Variants in DYNC2I2 observed in about 807,000 individuals in gnomAD.
DYNC2I2 encodes the protein cytoplasmic dynein 2 intermediate chain 2.
In DYNC2I2, 39 loss-of-function variants were observed where a neutral mutation model predicts 52.0. The observed-to-expected ratio is 0.75, with a 90% confidence interval of 0.58 to 0.98. The LOEUF (loss-of-function observed/expected upper bound fraction) is 0.98, where lower values mean the gene tolerates loss of function less well. Ranked by LOEUF, DYNC2I2 falls within the 50% of genes least tolerant of loss-of-function variation. The probability of loss-of-function intolerance (pLI) is 0.00; values close to 1 mark genes in which losing one functional copy is unlikely to be tolerated. For synonymous variants in DYNC2I2, 359 were observed against 321.1 expected, an observed-to-expected ratio of 1.12 and a Z score of -1.26; for missense variants, 743 against 728.4, an observed-to-expected ratio of 1.02 and a Z score of -0.23.
chr9:128,645,188 T>TA (rs60929747), intron 1 of DYNC2I2, among the ~76,000 whole-genome samples: 113 of 143,368 alleles, frequency 7.9e-4, no homozygotes, highest in Middle Eastern at 3.5e-3. Context: ...CCATCTCTAC[T>TA]AAAAAAAAAA....
At chr9:128,648,239 T>G (rs1443363630) in intron 1 of DYNC2I2, among the ~76,000 whole-genome samples, 1 of 151,762 alleles carries the variant, frequency 6.6e-6, no homozygotes, top group Non-Finnish European at 1.5e-5. Context: ...AAATCCCATC[T>G]CTACTAAAAA....
At chr9:128,662,863 C>CT in the DYNC2I2 span, among the ~76,000 whole-genome samples, 3 of 151,808 alleles carry the variant, frequency 2.0e-5, no homozygotes, top group East Asian at 5.8e-4. Flanking sequence ...TGCACCCAGC[C>CT]TTTTTTTTCT....
chr9:128,677,471 T>TG, the DYNC2I2 span, among the ~76,000 whole-genome samples: 3 of 149,334 alleles, frequency 2.0e-5, no homozygotes, highest in Admixed American at 6.7e-5. Flanking sequence ...GGTGACAGAG[T>TG]GAGACTCCAT....
the DYNC2I2 span, among the ~76,000 whole-genome samples, chr9:128,677,329 C>A: frequency 6.6e-6 from 1 of 151,816 alleles, no homozygotes; most frequent in African/African-American, 2.4e-5. Flanking sequence ...ACTAAAAATA[C>A]AATAAACTAG....
chr9:128,655,777 G>A (rs1015377610), intron 1 of DYNC2I2, among the ~76,000 whole-genome samples: 12 of 151,498 alleles, frequency 7.9e-5, no homozygotes, highest in Non-Finnish European at 1.5e-4. Flanking sequence ...CAGGCGTGCT[G>A]GCGGCCGCCT....
chr9:128,634,584 C>T, intron 7 of DYNC2I2, 105 bp downstream of exon 7: 1 of 1,338,294 alleles, frequency 7.5e-7, no homozygotes. Context: ...TCAGAGTGGG[C>T]AGAAGGCAAG....
intron 1 of DYNC2I2, among the ~76,000 whole-genome samples, chr9:128,644,346 T>C (rs927702601): frequency 2.7e-5 from 4 of 150,818 alleles, no homozygotes; most frequent in African/African-American, 9.8e-5. Context: ...TCATAGCTCA[T>C]TGCAATCTAG....
chr9:128,643,326 A>G (rs1163489384), intron 1 of DYNC2I2, among the ~76,000 whole-genome samples: 1 of 152,144 alleles, frequency 6.6e-6, no homozygotes, highest in East Asian at 1.9e-4. Context: ...GGACTTCAAG[A>G]CCAGCCTGGC....
chr9:128,681,758 C>A, the DYNC2I2 span, among the ~76,000 whole-genome samples: 1 of 152,218 alleles, frequency 6.6e-6, no homozygotes, highest in Non-Finnish European at 1.5e-5. Context: ...GCCTTTGTGA[C>A]CCCCAGACAA....
At chr9:128,661,901 G>T in the DYNC2I2 span, among the ~76,000 whole-genome samples, 1 of 152,074 alleles carries the variant, frequency 6.6e-6, no homozygotes, top group Non-Finnish European at 1.5e-5. Flanking sequence ...AATTAGCTGG[G>T]CGTGGTGGCA....
chr9:128,668,172 G>T, the DYNC2I2 span, among the ~76,000 whole-genome samples: 3 of 151,730 alleles, frequency 2.0e-5, no homozygotes, highest in African/African-American at 4.8e-5. Context: ...TGTTGGCCAG[G>T]ATGGTCTTGA....
At chr9:128,681,106 T>C in the DYNC2I2 span, among the ~76,000 whole-genome samples, 1 of 152,116 alleles carries the variant, frequency 6.6e-6, no homozygotes, top group Non-Finnish European at 1.5e-5. Flanking sequence ...CTTTTCTTTT[T>C]TAGAGACGGA....
chr9:128,651,931 A>AAAAAAAAAAAAG (rs57897841), intron 1 of DYNC2I2: 7 of 130,352 alleles, frequency 5.4e-5, no homozygotes, highest in Non-Finnish European at 6.3e-5. Context: ...AAAAAAAAAA[A>AAAAAAAAAAAAG]AAAGAAAGAA....
intron 4 of DYNC2I2, 43 bp from the exon 5 acceptor site, chr9:128,635,810 C>T (rs1422556612): frequency 3.9e-6 from 6 of 1,554,358 alleles, no homozygotes; most frequent in South Asian, 2.3e-5. Flanking sequence ...GCCCCACCCC[C>T]AGCCTGACTT....
chr9:128,659,918 AAGTT>A (rs1394526750), upstream of DYNC2I2, among the ~76,000 whole-genome samples: 1 of 151,538 alleles, frequency 6.6e-6, no homozygotes, highest in African/African-American at 2.4e-5. Context: ...CAAAAAAAAA[AAGTT>A]AGCCAGGTGT....
the DYNC2I2 span, among the ~76,000 whole-genome samples, chr9:128,681,564 A>G: frequency 2.6e-5 from 4 of 152,318 alleles, no homozygotes; most frequent in East Asian, 1.9e-4. Flanking sequence ...CACGTTATGC[A>G]TATCTGTTGG....
upstream of DYNC2I2, among the ~76,000 whole-genome samples, chr9:128,657,069 C>G (rs1860845126): frequency 6.6e-6 from 1 of 152,208 alleles, no homozygotes. Flanking sequence ...GCGGCCGTGG[C>G]CGGCCCGCGA....
chr9:128,678,623 G>A, the DYNC2I2 span, among the ~76,000 whole-genome samples: 2 of 150,612 alleles, frequency 1.3e-5, no homozygotes, highest in African/African-American at 4.9e-5. Context: ...CACCACGCCC[G>A]CTTAATTTTT....
At chr9:128,682,560 C>T in the DYNC2I2 span, among the ~76,000 whole-genome samples, 1 of 151,974 alleles carries the variant, frequency 6.6e-6, no homozygotes, top group East Asian at 2.0e-4. Context: ...GTCTGTAGTC[C>T]CAGCTACTCA....
Sources: allele counts gnomAD v4.1 joint callset (sites outside exome capture counted in the v4.1 genomes callset), GRCh38; gene constraint gnomAD v4.1.1; transcripts MANE v1.5; gene names NCBI Gene and HGNC (gene_info 2026-07-23, HGNC 2026-07-21).